Variants in CTNNA1 observed in about 807,000 individuals in gnomAD.
The protein encoded by CTNNA1 is catenin alpha 1, also known as catenin alpha-1.
In CTNNA1, 37 loss-of-function variants were observed where a neutral mutation model predicts 98.4. The observed-to-expected ratio is 0.38, with a 90% CI of 0.29 to 0.49. The LOEUF (loss-of-function observed/expected upper bound fraction) is 0.49, where lower values mean the gene tolerates loss of function less well. Ranked by LOEUF, CTNNA1 falls within the 20% of genes least tolerant of loss-of-function variation. The probability of loss-of-function intolerance (pLI) is 0.95; values close to 1 mark genes in which losing one functional copy is unlikely to be tolerated. For synonymous variants in CTNNA1, 404 were observed against 413.2 expected (o/e 0.98, Z 0.27); for missense variants, 761 against 1,147.2 (o/e 0.66, Z 4.86).
intron 9 of CTNNA1, among the ~76,000 whole-genome samples, chr5:138,902,764 TC>T (rs1230863279): frequency 1.3e-5 from 2 of 152,234 alleles, no homozygotes; most frequent in Non-Finnish European, 2.9e-5. Flanking sequence ...TTTTCAATGA[TC>T]ATCATCAGAT....
At chr5:138,790,063 G>A (rs1275703819) in intron 3 of CTNNA1, among the ~76,000 whole-genome samples, 1 of 152,210 alleles carries the variant, frequency 6.6e-6, no homozygotes, top group Non-Finnish European at 1.5e-5. Flanking sequence ...TGTGCAGGAA[G>A]GGTTAAAGTG....
At chr5:138,771,666 T>C (rs1753572223) in intron 1 of CTNNA1, among the ~76,000 whole-genome samples, 1 of 152,066 alleles carries the variant, frequency 6.6e-6, no homozygotes, top group Admixed American at 6.6e-5. Flanking sequence ...GGATAACAAG[T>C]CAGAGTGTGT....
intron 5 of CTNNA1, among the ~76,000 whole-genome samples, chr5:138,814,782 C>CA (rs1759246980): frequency 6.6e-6 from 1 of 151,356 alleles, no homozygotes; most frequent in Non-Finnish European, 1.5e-5. Flanking sequence ...GTGGTGGACT[C>CA]ACATTCTGTC....
At chr5:138,862,500 G>A (rs532926707) in intron 7 of CTNNA1, among the ~76,000 whole-genome samples, 2 of 152,158 alleles carry the variant, frequency 1.3e-5, no homozygotes, top group Admixed American at 6.5e-5. Flanking sequence ...GATAGTACTT[G>A]TTGTCCTATA....
At chr5:138,825,874 AG>A (rs1232549869) in intron 6 of CTNNA1, among the ~76,000 whole-genome samples, 2 of 152,264 alleles carry the variant, frequency 1.3e-5, no homozygotes, top group Non-Finnish European at 2.9e-5. Context: ...AAAATTTACT[AG>A]CAATGTTGTT....
intron 7 of CTNNA1, among the ~76,000 whole-genome samples, chr5:138,861,327 G>A (rs1471584398): frequency 1.3e-5 from 2 of 152,084 alleles, no homozygotes; most frequent in African/African-American, 4.8e-5. Context: ...GGCTCTGAAC[G>A]CACTTCTTAA....
At chr5:138,850,801 C>G (rs1763117186) in intron 7 of CTNNA1, among the ~76,000 whole-genome samples, 2 of 152,092 alleles carry the variant, frequency 1.3e-5, no homozygotes, top group African/African-American at 2.4e-5. Context: ...TTTTAGAGCC[C>G]AAAGATGGAT....
Position 138,810,043 on chromosome 5 carries a change from T to C in CTNNA1, c.307T>C (p.Leu103=). 1 of 1,600,434 alleles carries C rather than the reference T, an allele frequency of 6.2e-7. No homozygotes were observed. The highest frequency in any genetic ancestry group is 8.6e-7 in the Non-Finnish European group (1 of 1,168,956). Residue 103 remains leucine (L), a synonymous_variant, in exon 4 of 18, where the codon TTG becomes CTG. Transcript: ENST00000302763. ...AVEDVRKQGD[L]MKAAAGEFAD... ...TTTTTCATTCTGTAAAACAGGTGAT[T>C]TGATGAAGGCTGCTGCAGGAGAGTT...
At chr5:138,876,324 A>G (rs1751508182) in intron 7 of CTNNA1, among the ~76,000 whole-genome samples, 1 of 152,246 alleles carries the variant, frequency 6.6e-6, no homozygotes, top group Non-Finnish European at 1.5e-5. Context: ...TGCTGTTGTT[A>G]GAACCTGTCT....
intron 9 of CTNNA1, among the ~76,000 whole-genome samples, chr5:138,893,617 TTTTAAA>T (rs1228963294): frequency 1.3e-4 from 19 of 151,760 alleles, no homozygotes; most frequent in Non-Finnish European, 1.3e-4. Flanking sequence ...TTTAATTATT[TTTTAAA>T]ATTTATTTGT....
intron 7 of CTNNA1, among the ~76,000 whole-genome samples, chr5:138,842,471 C>T (rs1762356123): frequency 6.6e-6 from 1 of 152,152 alleles, no homozygotes; most frequent in African/African-American, 2.4e-5. Context: ...CTAAAATTGG[C>T]CATTAATATA....
At chr5:138,796,746 G>T (rs1260386085) in intron 3 of CTNNA1, among the ~76,000 whole-genome samples, 2 of 152,176 alleles carry the variant, frequency 1.3e-5, no homozygotes, top group Non-Finnish European at 2.9e-5. Flanking sequence ...ATAGTTGATG[G>T]TGTCTAACTC....
intron 3 of CTNNA1, among the ~76,000 whole-genome samples, chr5:138,788,190 CCT>C (rs1035500312): frequency 1.8e-4 from 27 of 152,120 alleles, no homozygotes; most frequent in Admixed American, 1.2e-3. Context: ...GTTGCCTTTT[CCT>C]CTCTACGCTC....
intron 6 of CTNNA1, among the ~76,000 whole-genome samples, chr5:138,826,305 G>T (rs1760714040): frequency 6.6e-6 from 1 of 152,194 alleles, no homozygotes; most frequent in African/African-American, 2.4e-5. Context: ...TGGCATTTAA[G>T]TTGAAATCAA....
At chr5:138,909,961 A>G (rs187934187) in intron 10 of CTNNA1, among the ~76,000 whole-genome samples, 24 of 152,334 alleles carry the variant, frequency 1.6e-4, no homozygotes, top group Admixed American at 1.2e-3. Context: ...CTGTCTTTGA[A>G]TCGCTTCACT....
chr5:138,776,039 CTTTTTTT>C (rs57467422), intron 1 of CTNNA1, among the ~76,000 whole-genome samples: 81 of 83,886 alleles, frequency 9.7e-4, no homozygotes, highest in African/African-American at 3.0e-3. Flanking sequence ...GGAAATGTTT[CTTTTTTT>C]TTTTTTTTTT....
chr5:138,883,275 C>G (rs765606127), intron 7 of CTNNA1, among the ~76,000 whole-genome samples: 34 of 151,990 alleles, frequency 2.2e-4, no homozygotes, highest in Non-Finnish European at 3.8e-4. Context: ...TGATTGGTAC[C>G]CTAAACTTGC....
At chr5:138,791,615 C>CGAAAA (rs1274317723) in intron 3 of CTNNA1, among the ~76,000 whole-genome samples, 1 of 40,304 alleles carries the variant, frequency 2.5e-5, no homozygotes. Flanking sequence ...GACTCCGTCT[C>CGAAAA]AAAAAAAAAA....
At chr5:138,886,359 A>T (rs1051859392) in intron 8 of CTNNA1, 67 bp downstream of exon 8, 1 of 1,475,712 alleles carries the variant, frequency 6.8e-7, no homozygotes, top group Admixed American at 2.2e-5. Flanking sequence ...TTAAAATCCT[A>T]ATAAGCACTG....
Sources: allele counts gnomAD v4.1 joint callset (sites outside exome capture counted in the v4.1 genomes callset), GRCh38; gene constraint gnomAD v4.1.1; transcripts MANE v1.5; gene names NCBI Gene and HGNC (gene_info 2026-07-23, HGNC 2026-07-21).